FBXL17: variants seen among roughly 807,000 people sequenced by gnomAD.
FBXL17 encodes F-box/LRR-repeat protein 17.
A neutral mutation model predicts 66.2 loss-of-function variants in FBXL17; 22 were observed. The ratio of observed to expected loss-of-function variants is 0.33; its 90% CI spans 0.24 to 0.47. The LOEUF (loss-of-function observed/expected upper bound fraction) is 0.47. Among genes scored for constraint, FBXL17 ranks in the 20% least tolerant of loss-of-function variants. The pLI, the probability that FBXL17 is intolerant of heterozygous loss-of-function variation, is 1.00. For missense variants in FBXL17, 878 were observed against 948.2 expected, an observed-to-expected ratio of 0.93 and a Z score of 0.97; for synonymous variants, 474 against 400.5, an observed-to-expected ratio of 1.18 and a Z score of -2.19.
intron 7 of FBXL17, among the ~76,000 whole-genome samples, chr5:107,919,117 C>T (rs139608475): frequency 3.6e-3 from 547 of 152,156 alleles, no homozygotes; most frequent in East Asian, 0.017. Context: ...AAACAGATTA[C>T]GCACTGAGTC....
chr5:108,207,310 A>G (rs767567543), intron 5 of FBXL17, among the ~76,000 whole-genome samples: 5 of 151,774 alleles, frequency 3.3e-5, no homozygotes, highest in Non-Finnish European at 7.4e-5. Flanking sequence ...CTAAATTCTC[A>G]CCAACAATTG....
At chr5:108,303,961 C>CA (rs1481015813) in intron 4 of FBXL17, among the ~76,000 whole-genome samples, 6 of 151,950 alleles carry the variant, frequency 3.9e-5, no homozygotes, top group African/African-American at 1.4e-4. Context: ...ATAATGGGTC[C>CA]ACAGACCAGA....
chr5:108,303,411 CA>C (rs1758687637), intron 4 of FBXL17, among the ~76,000 whole-genome samples: 1 of 150,192 alleles, frequency 6.7e-6, no homozygotes, highest in Non-Finnish European at 1.5e-5. Context: ...CACACACAAG[CA>C]ACACTACTTA....
chr5:108,184,800 C>G (rs1184231100), intron 6 of FBXL17, among the ~76,000 whole-genome samples: 1 of 146,160 alleles, frequency 6.8e-6, no homozygotes, highest in Non-Finnish European at 1.5e-5. Flanking sequence ...AAAGCATTAT[C>G]TGACACAAAT....
chr5:107,901,824 A>G (rs1749575629), intron 7 of FBXL17, among the ~76,000 whole-genome samples: 1 of 152,128 alleles, frequency 6.6e-6, no homozygotes, highest in South Asian at 2.1e-4. Flanking sequence ...GATAATGGGG[A>G]AAGGTAGGCA....
chr5:108,030,021 T>C (rs777124773), intron 6 of FBXL17, among the ~76,000 whole-genome samples: 1 of 152,280 alleles, frequency 6.6e-6, no homozygotes, highest in Non-Finnish European at 1.5e-5. Context: ...ATAAATAACT[T>C]ATAATCAAAG....
chr5:108,010,462 G>A (rs2112738344), intron 7 of FBXL17, among the ~76,000 whole-genome samples: 1 of 152,212 alleles, frequency 6.6e-6, no homozygotes, highest in African/African-American at 2.4e-5. Flanking sequence ...AACCTGTGTG[G>A]AGGGGCTGAC....
intron 7 of FBXL17, among the ~76,000 whole-genome samples, chr5:107,979,915 A>C (rs1361496244): frequency 6.6e-6 from 1 of 152,208 alleles, no homozygotes; most frequent in Non-Finnish European, 1.5e-5. Context: ...AGATTTAAGA[A>C]ATAAATAAAT....
rs534227385 is a variant in FBXL17, at chr5:108,039,000, A to C, written c.1746-17999T>G. ...AAGTAGAAGACTAGTGAATAAATGG[A>C]CATTTAAATAATTTTTAAAGATACA... is the stretch of plus-strand genomic sequence containing the variant. On this transcript the variant is annotated intron_variant, in intron 6 of 8. Transcript: ENST00000542267. Among the ~76,000 whole-genome samples the C allele has an allele frequency of 2.0e-5, 3 of 152,184 alleles. No homozygotes were observed. The East Asian group carries it at 5.8e-4, about 29-fold the overall frequency.
At position 107,861,066 on chromosome 5, in the gene FBXL17, A is replaced by G. The variant is rs1044458318; in HGVS notation, c.*654T>C. On this transcript the variant is annotated 3_prime_UTR_variant, in exon 9 of 9. Coordinates refer to ENST00000542267, the MANE Select transcript of FBXL17 (RefSeq NM_001163315.3). Reference sequence around the variant, plus strand: ...CAGGAGAGTTCAGACTGTTGCCTCTATATAACAAATTTAGAAAAGGCTTTA... The same window carrying G: ...CAGGAGAGTTCAGACTGTTGCCTCTGTATAACAAATTTAGAAAAGGCTTTA... 3 of 152,320 alleles carry G rather than the reference A, an allele frequency of 2.0e-5. No homozygotes were observed. The highest frequency in any genetic ancestry group is 7.2e-5 in the African/African-American group (3 of 41,576). 9.4% of individuals were successfully genotyped at this position (152,320 alleles called of 1,614,324 possible). A position where few individuals can be genotyped will look rare whatever the true frequency, so the allele number is the denominator to read the frequency against.
intron 7 of FBXL17, among the ~76,000 whole-genome samples, chr5:107,935,039 G>C (rs537634353): frequency 6.6e-6 from 1 of 151,900 alleles, no homozygotes; most frequent in Non-Finnish European, 1.5e-5. Flanking sequence ...GAAAAGAATG[G>C]TCTGTAGATC....
intron 4 of FBXL17, among the ~76,000 whole-genome samples, chr5:108,272,498 C>T (rs1757317750): frequency 1.3e-5 from 2 of 151,688 alleles, no homozygotes; most frequent in Admixed American, 1.3e-4. Flanking sequence ...GGACTACAGG[C>T]ATGTGCTACC....
intron 7 of FBXL17, among the ~76,000 whole-genome samples, chr5:107,921,832 T>C (rs190679480): frequency 2.0e-4 from 30 of 152,308 alleles, no homozygotes; most frequent in Middle Eastern, 3.4e-3. Context: ...TACTGAATCC[T>C]GATTCCATTT....
intron 6 of FBXL17, among the ~76,000 whole-genome samples, chr5:108,051,333 T>A (rs779495644): frequency 3.0e-4 from 45 of 152,028 alleles, no homozygotes; most frequent in Non-Finnish European, 6.2e-4. Context: ...GATACAAAAA[T>A]CCTCAATAAA....
chr5:108,183,659 G>A (rs1012151129), intron 6 of FBXL17, among the ~76,000 whole-genome samples: 5 of 151,914 alleles, frequency 3.3e-5, no homozygotes, highest in South Asian at 2.1e-4. Flanking sequence ...ATTTTGGTGC[G>A]CCCATCCCCT....
At chr5:108,330,598 AAAG>A (rs1346952278) in intron 4 of FBXL17, among the ~76,000 whole-genome samples, 4 of 152,238 alleles carry the variant, frequency 2.6e-5, no homozygotes, top group African/African-American at 7.2e-5. Flanking sequence ...TTCGTAAAGC[AAAG>A]AAGTATAGTC....
intron 6 of FBXL17, among the ~76,000 whole-genome samples, chr5:108,137,065 T>C (rs565990585): frequency 5.5e-4 from 84 of 152,332 alleles, no homozygotes; most frequent in African/African-American, 1.7e-3. Context: ...AGAAATGCTA[T>C]ATTAACTTAT....
chr5:108,027,135 T>C (rs1359154264), intron 6 of FBXL17, among the ~76,000 whole-genome samples: 2 of 152,204 alleles, frequency 1.3e-5, no homozygotes. Context: ...GTTATGAAAA[T>C]ACATTTTTCT....
At chr5:108,252,371 G>T (rs1444848063) in intron 4 of FBXL17, among the ~76,000 whole-genome samples, 1 of 152,012 alleles carries the variant, frequency 6.6e-6, no homozygotes, top group African/African-American at 2.4e-5. Flanking sequence ...TTGAAGAAAA[G>T]TGCTTTACAA....
Sources: allele counts gnomAD v4.1 joint callset (sites outside exome capture counted in the v4.1 genomes callset), GRCh38; gene constraint gnomAD v4.1.1; transcripts MANE v1.5; gene names NCBI Gene and HGNC (gene_info 2026-07-23, HGNC 2026-07-21).